C20orf203: variants seen among roughly 807,000 people sequenced by gnomAD.
C20orf203 encodes chromosome 20 open reading frame 203.
In C20orf203, 16 loss-of-function variants were observed where a neutral mutation model predicts 15.9. The ratio of observed to expected loss-of-function variants is 1.01; its 90% confidence interval spans 0.68 to 1.53. The LOEUF is 1.53. C20orf203 is among the 40% of genes most tolerant of loss of function. C20orf203 has a pLI of 0.00. For missense variants in C20orf203, 263 were observed against 247.5 expected, an observed-to-expected ratio of 1.06 and a Z score of -0.42; for synonymous variants, 98 against 97.2, an observed-to-expected ratio of 1.01 and a Z score of -0.05.
At chr20:32,667,566 A>G (rs904068267) in intron 1 of C20orf203, among the ~76,000 whole-genome samples, 1 of 152,216 alleles carries the variant, frequency 6.6e-6, no homozygotes, top group African/African-American at 2.4e-5. Flanking sequence ...CGCAGTTGCT[A>G]CTTAACAAAG....
chr20:32,658,764 C>A (rs750402), intron 1 of C20orf203, among the ~76,000 whole-genome samples: 66 of 152,104 alleles, frequency 4.3e-4, no homozygotes, highest in Middle Eastern at 6.8e-3. Flanking sequence ...GACACTGGAG[C>A]TACAGGGAGA....
intron 1 of C20orf203, among the ~76,000 whole-genome samples, chr20:32,665,267 G>T (rs1039957151): frequency 6.6e-6 from 1 of 152,184 alleles, no homozygotes; most frequent in African/African-American, 2.4e-5. Context: ...CTGGCTGAAG[G>T]CTGCCCCAGT....
intron 5 of C20orf203, 59 bp from the exon 6 acceptor site, chr20:32,634,329 G>A (rs1402106019): frequency 2.5e-6 from 1 of 397,502 alleles, no homozygotes; most frequent in African/African-American, 2.1e-5. Flanking sequence ...GAGAGGTACT[G>A]TGACATCATG....
At chr20:32,653,428 G>A (rs138688097) in intron 1 of C20orf203, among the ~76,000 whole-genome samples, 3 of 152,278 alleles carry the variant, frequency 2.0e-5, no homozygotes, top group Admixed American at 6.5e-5. Flanking sequence ...GAGTATCTGT[G>A]TGACATAGCA....
At chr20:32,670,185 G>C (rs1348863343) in intron 1 of C20orf203, among the ~76,000 whole-genome samples, 2 of 151,868 alleles carry the variant, frequency 1.3e-5, no homozygotes, top group South Asian at 2.1e-4. Flanking sequence ...ACTCCAGCCT[G>C]GGTAACAACA....
At chr20:32,661,274 C>A (rs552679740) in intron 1 of C20orf203, among the ~76,000 whole-genome samples, 1 of 152,246 alleles carries the variant, frequency 6.6e-6, no homozygotes, top group South Asian at 2.1e-4. Context: ...CAGAGGTGAA[C>A]CAGGCTCATC....
At chr20:32,650,997 G>A (rs1982604294) in intron 3 of C20orf203, 21 bp downstream of exon 3, 2 of 1,466,510 alleles carry the variant, frequency 1.4e-6, no homozygotes, top group Non-Finnish European at 1.8e-6. Flanking sequence ...AGGTGTGGGA[G>A]ACAGGGACAG....
At chr20:32,668,114 C>T (rs1334328009) in intron 1 of C20orf203, among the ~76,000 whole-genome samples, 2 of 152,204 alleles carry the variant, frequency 1.3e-5, no homozygotes, top group Non-Finnish European at 2.9e-5. Flanking sequence ...ATGTCTTCAT[C>T]CGGACACCAG....
chr20:32,670,206 G>A (rs1449095947), intron 1 of C20orf203, among the ~76,000 whole-genome samples: 2 of 143,152 alleles, frequency 1.4e-5, no homozygotes, highest in East Asian at 2.1e-4. Context: ...GTGAAACTGC[G>A]TTTCAAAAAA....
At chr20:32,637,005 G>A (rs1474609736) in intron 5 of C20orf203, among the ~76,000 whole-genome samples, 2 of 152,234 alleles carry the variant, frequency 1.3e-5, no homozygotes. Flanking sequence ...GTCACCAGGG[G>A]CAGGGGCTGG....
intron 4 of C20orf203, among the ~76,000 whole-genome samples, chr20:32,646,403 A>G (rs1358758678): frequency 6.6e-6 from 1 of 152,012 alleles, no homozygotes; most frequent in Non-Finnish European, 1.5e-5. Context: ...ATGGGGTTTC[A>G]CCATGTTGCC....
chr20:32,647,222 C>G lies in C20orf203; in HGVS notation c.*1177+2033G>C, dbSNP rs555829468. Among the ~76,000 whole-genome samples, 14 of 151,946 alleles carry G rather than the reference C, an allele frequency of 9.2e-5. No homozygotes were observed. In the South Asian group the frequency reaches 2.9e-3, roughly 32 times the overall value. On this transcript the variant is annotated intron_variant, in intron 4 of 5. Coordinates refer to ENST00000608990, the MANE Select transcript of C20orf203 (RefSeq NM_182584.4). ...CCCGTCTGGCCAACATGGTGAAACC[C>G]CATCTCTACTAAAAATACAAAAATT... is the stretch of plus-strand genomic sequence containing the variant.
intron 1 of C20orf203, among the ~76,000 whole-genome samples, chr20:32,669,980 T>C (rs1285247831): frequency 6.6e-6 from 1 of 151,952 alleles, no homozygotes; most frequent in African/African-American, 2.4e-5. Context: ...GGAGGGTGGA[T>C]TCACGAGGTC....
chr20:32,662,944 T>G (rs11697680), intron 1 of C20orf203, among the ~76,000 whole-genome samples: 1 of 129,990 alleles, frequency 7.7e-6, no homozygotes, highest in African/African-American at 3.0e-5. Flanking sequence ...TAGATAGATA[T>G]AAATATAGTT....
Position 32,650,584 on chromosome 20 carries a change from C to G in C20orf203, c.433G>C (p.Val145Leu). The change falls in exon 4 of 6, where the codon GTG becomes CTG. Residue 145 changes from valine (V) to leucine (L), a missense_variant. Coordinates refer to ENST00000608990, the MANE Select transcript of C20orf203 (RefSeq NM_182584.4). ...GACAGAGCTTGGCCAAAGTCCCCCA[C>G]CGTGCCCATTCTGGGCATCCCTCCC... ...AMGGMPRMGT[V>L]GDFGQALSSL... The G allele has an allele frequency of 6.5e-7, 1 of 1,548,396 alleles. No individual in the cohort carries two copies. The highest frequency in any genetic ancestry group is 8.7e-7 in the Non-Finnish European group (1 of 1,145,008).
In C20orf203 at chr20:32,648,402, T is replaced by A. The variant is rs79616894; in HGVS notation, c.*1177+853A>T. Among the ~76,000 whole-genome samples the A allele has an allele frequency of 5.1e-3, 768 of 150,796 alleles. 7 individuals carry two copies. The highest frequency in any genetic ancestry group is 0.018 in the African/African-American group (740 of 40,958). Reference sequence around the variant, plus strand: ...CTCTTGCCCCTGATTGTTTGCTTCATGGCACTAACCATTGCCTGAAACTGT... The same window carrying A: ...CTCTTGCCCCTGATTGTTTGCTTCAAGGCACTAACCATTGCCTGAAACTGT... On this transcript the variant is annotated intron_variant, in intron 4 of 5. Transcript: ENST00000608990.
chr20:32,650,527 C>T lies in C20orf203; in HGVS notation c.490G>A (p.Asp164Asn), dbSNP rs756285001. 2.6e-6 allele frequency: 4 copies of T among 1,550,450 alleles called. No individual in the cohort carries two copies. The highest frequency in any genetic ancestry group is 2.4e-5 in the East Asian group (1 of 40,898). Residue 164 changes from aspartate to asparagine, a missense_variant, in exon 4 of 6, where the codon GAC (aspartate) becomes AAC (asparagine). Coordinates refer to ENST00000608990, the MANE Select transcript of C20orf203 (RefSeq NM_182584.4). ...CCTGGCAAGGATGGGAGGCAGAAGTCCTGGAAACATGTTGAGGTCCAGGCC... is the reference window on the plus strand; with the variant it reads ...CCTGGCAAGGATGGGAGGCAGAAGTTCTGGAAACATGTTGAGGTCCAGGCC... The part of the protein sequence containing the change: ...SLAWTSTCFQ[D>N]FCLPSLPGKL...
In C20orf203 at chr20:32,633,105, A is replaced by G. The variant is rs891520227; in HGVS notation, c.*2465T>C. 3 of 152,184 alleles carry G rather than the reference A, an allele frequency of 2.0e-5. No homozygotes were observed. The highest frequency in any genetic ancestry group is 7.2e-5 in the African/African-American group (3 of 41,426). 9.4% of individuals were successfully genotyped at this position (152,184 alleles called of 1,614,324 possible). On this transcript the variant is annotated 3_prime_UTR_variant, in exon 6 of 6. Coordinates refer to ENST00000608990, the MANE Select transcript of C20orf203 (RefSeq NM_182584.4). ...ATCTCTACTTGGTCCTGCTCTTGAC[A>G]CCTAGGGATTATTAAAATTCAAGGT...
chr20:32,650,080 G>A lies in C20orf203; in HGVS notation c.*352C>T, dbSNP rs1982561330. 4.0e-6 allele frequency: 1 copy of A among 247,018 alleles called. No individual in the cohort carries two copies. The highest frequency in any genetic ancestry group is 4.9e-5 in the Admixed American group (1 of 20,416). 15.3% of individuals were successfully genotyped at this position (247,018 alleles called of 1,614,324 possible). On this transcript the variant is annotated 3_prime_UTR_variant, in exon 4 of 6. Transcript: ENST00000608990. The stretch of plus-strand genomic sequence containing the variant: ...GGGAGTGACACACAGGAGTACTGCA[G>A]CCTCCTCCCAGCACTCAGGGACCAA...
Sources: allele counts gnomAD v4.1 joint callset (sites outside exome capture counted in the v4.1 genomes callset), GRCh38; gene constraint gnomAD v4.1.1; transcripts MANE v1.5; gene names NCBI Gene and HGNC (gene_info 2026-07-23, HGNC 2026-07-21).